Variants in CCDC60 observed in about 807,000 individuals in gnomAD.
The protein encoded by CCDC60 is coiled-coil domain containing 60, also known as coiled-coil domain-containing protein 60.
A neutral mutation model predicts 63.5 loss-of-function variants in CCDC60; 54 were observed. The ratio of observed to expected loss-of-function variants is 0.85; its 90% confidence interval spans 0.68 to 1.07. The LOEUF is 1.07. CCDC60 is among the 50% of genes least tolerant of loss of function. The pLI is 0.00. For missense variants in CCDC60, 651 were observed against 684.3 expected (o/e 0.95, Z 0.54); for synonymous variants, 206 against 238.8 (o/e 0.86, Z 1.27).
At chr12:119,359,723 G>T (rs1027787666) in intron 1 of CCDC60, among the ~76,000 whole-genome samples, 47 of 152,036 alleles carry the variant, frequency 3.1e-4, no homozygotes, top group Non-Finnish European at 2.1e-4. Flanking sequence ...AGATTAGGGA[G>T]TGGTGATGAC....
chr12:119,503,501 A>T (rs1038566993), intron 6 of CCDC60, among the ~76,000 whole-genome samples: 1 of 152,204 alleles, frequency 6.6e-6, no homozygotes, highest in African/African-American at 2.4e-5. Flanking sequence ...GATCTGGTTA[A>T]ATCCAGTTCA....
chr12:119,500,062 G>A lies in CCDC60; in HGVS notation c.558-16G>A. On this transcript the variant is annotated splice_polypyrimidine_tract_variant and intron_variant, in intron 5 of 13. Transcript: ENST00000327554. ...ACTCTGGAAACGGAAAACTCATTAA[G>A]CTGTTTCTCACTCAGGGACCCGGGT... 1 of 1,564,730 alleles carries A rather than the reference G, an allele frequency of 6.4e-7. No homozygotes were observed. Among genetic ancestry groups the A allele is most frequent in the East Asian group, 2.2e-5 (1 of 44,618 alleles).
intron 7 of CCDC60, among the ~76,000 whole-genome samples, chr12:119,514,039 ATG>A (rs1952285252): frequency 6.6e-6 from 1 of 152,192 alleles, no homozygotes; most frequent in South Asian, 2.1e-4. Context: ...TGACAGCTCC[ATG>A]TGTGTTACTT....
At chr12:119,497,786 C>T (rs3847972) in intron 5 of CCDC60, among the ~76,000 whole-genome samples, 82 of 151,894 alleles carry the variant, frequency 5.4e-4, no homozygotes, top group African/African-American at 2.0e-3. Flanking sequence ...AGTGGGTGAA[C>T]CTTAAATCAG....
At chr12:119,436,891 T>C (rs967395980) in intron 2 of CCDC60, among the ~76,000 whole-genome samples, 13 of 152,214 alleles carry the variant, frequency 8.5e-5, no homozygotes, top group African/African-American at 3.1e-4. Flanking sequence ...CTATCTTCTA[T>C]AGAAAATCTC....
At chr12:119,502,439 A>T (rs1337361147) in intron 6 of CCDC60, among the ~76,000 whole-genome samples, 2 of 152,174 alleles carry the variant, frequency 1.3e-5, no homozygotes, top group Non-Finnish European at 2.9e-5. Flanking sequence ...ACTGGTTAAC[A>T]CAACTGCTGA....
chr12:119,434,219 C>T (rs1220871212), intron 2 of CCDC60, among the ~76,000 whole-genome samples: 2 of 151,984 alleles, frequency 1.3e-5, no homozygotes, highest in African/African-American at 4.8e-5. Context: ...TGGTAGACAG[C>T]TGAAGCAAAG....
At chr12:119,527,527 G>A (rs1333758036) in intron 11 of CCDC60, among the ~76,000 whole-genome samples, 1 of 152,146 alleles carries the variant, frequency 6.6e-6, no homozygotes, top group Admixed American at 6.5e-5. Context: ...ACTGCCAGTA[G>A]TCAGGTGTGG....
intron 6 of CCDC60, among the ~76,000 whole-genome samples, chr12:119,503,200 A>G (rs1321989252): frequency 6.6e-6 from 1 of 152,214 alleles, no homozygotes; most frequent in Non-Finnish European, 1.5e-5. Context: ...TAAAAAAATT[A>G]CGTTGATCTG....
At chr12:119,483,262 C>T (rs1037143150) in intron 4 of CCDC60, among the ~76,000 whole-genome samples, 1 of 152,236 alleles carries the variant, frequency 6.6e-6, no homozygotes, top group Non-Finnish European at 1.5e-5. Context: ...CCAGGGCTGG[C>T]CCTGCCTGAT....
intron 9 of CCDC60, among the ~76,000 whole-genome samples, chr12:119,520,647 T>G (rs1044988611): frequency 6.6e-6 from 1 of 151,682 alleles, no homozygotes; most frequent in Non-Finnish European, 1.5e-5. Flanking sequence ...GTTCAAGTGA[T>G]TCTCCTGCCT....
intron 1 of CCDC60, among the ~76,000 whole-genome samples, chr12:119,390,918 G>A (rs1956146495): frequency 1.3e-5 from 2 of 152,212 alleles, no homozygotes; most frequent in Non-Finnish European, 2.9e-5. Flanking sequence ...TCCAGGCGGG[G>A]CAGCCATGCC....
At position 119,400,889 on chromosome 12, in the gene CCDC60, T is replaced by C. The variant is rs528414650; in HGVS notation, c.91-27794T>C. Among the ~76,000 whole-genome samples the C allele has an allele frequency of 1.6e-4, 24 of 152,304 alleles. No homozygotes were observed. The East Asian group carries it at 4.2e-3, about 27-fold the overall frequency. On this transcript the variant is annotated intron_variant, in intron 1 of 13. Coordinates refer to ENST00000327554, the MANE Select transcript of CCDC60 (RefSeq NM_178499.5). ...TGCAGGAAAGAAGCCTTGACCCTGG[T>C]TGCTGTCAGAAGCCACTTTACAACC...
chr12:119,495,020 T>C (rs1050519389), intron 5 of CCDC60, among the ~76,000 whole-genome samples: 1 of 152,212 alleles, frequency 6.6e-6, no homozygotes, highest in African/African-American at 2.4e-5. Flanking sequence ...TACTGTTTTA[T>C]GATGAAAATG....
intron 2 of CCDC60, among the ~76,000 whole-genome samples, chr12:119,463,944 G>A (rs1950904773): frequency 6.6e-6 from 1 of 152,124 alleles, no homozygotes; most frequent in Admixed American, 6.5e-5. Flanking sequence ...TCCAGCTTAG[G>A]ACACACAGCC....
chr12:119,507,567 TATGTATATATAC>T (rs200058770), intron 7 of CCDC60, among the ~76,000 whole-genome samples: 6,201 of 62,380 alleles, frequency 0.099, 594 homozygotes, highest in East Asian at 0.13. Context: ...TATATATATA[TATGTATATATAC>T]ACATATATAT....
chr12:119,377,877 T>C (rs1458402702), intron 1 of CCDC60, among the ~76,000 whole-genome samples: 1 of 152,142 alleles, frequency 6.6e-6, no homozygotes, highest in Non-Finnish European at 1.5e-5. Flanking sequence ...TACTCGAGGT[T>C]TGCTGTCTCA....
chr12:119,477,068 C>T (rs565035760), intron 3 of CCDC60, among the ~76,000 whole-genome samples: 28 of 152,328 alleles, frequency 1.8e-4, no homozygotes, highest in African/African-American at 6.0e-4. Flanking sequence ...TCCAAGACAG[C>T]TCACTCACAT....
chr12:119,501,530 T>C (rs1016398503), intron 6 of CCDC60, among the ~76,000 whole-genome samples: 6 of 152,184 alleles, frequency 3.9e-5, no homozygotes, highest in African/African-American at 1.4e-4. Context: ...ATCCAATGCC[T>C]GGTCTTCCTG....
Sources: allele counts gnomAD v4.1 joint callset (sites outside exome capture counted in the v4.1 genomes callset), GRCh38; gene constraint gnomAD v4.1.1; transcripts MANE v1.5; gene names NCBI Gene and HGNC (gene_info 2026-07-23, HGNC 2026-07-21).